Variants in DHX35 observed in about 807,000 individuals in gnomAD.
DHX35 encodes DEAH-box helicase 35, also known as probable ATP-dependent RNA helicase DHX35.
In DHX35, 84 loss-of-function variants were observed where a neutral mutation model predicts 99.6. The ratio of observed to expected loss-of-function variants is 0.84; its 90% CI spans 0.71 to 1.01. The LOEUF is 1.01. Among genes scored for constraint, DHX35 ranks in the 50% least tolerant of loss-of-function variants. The pLI is 0.00. For missense variants in DHX35, 852 were observed against 888.5 expected, an observed-to-expected ratio of 0.96 and a Z score of 0.52; for synonymous variants, 331 against 316.2, an observed-to-expected ratio of 1.05 and a Z score of -0.50.
intron 6 of DHX35, among the ~76,000 whole-genome samples, chr20:38,992,109 G>A (rs890341954): frequency 2.6e-5 from 4 of 152,182 alleles, no homozygotes; most frequent in African/African-American, 9.7e-5. Flanking sequence ...AAATTCTGTT[G>A]GAATTCAGTG....
Position 39,018,063 on chromosome 20 carries a change from G to T in DHX35, c.1403-741G>T, listed in dbSNP as rs182594657. 7.9e-4 allele frequency among the ~76,000 whole-genome samples: 121 copies of T among 152,308 alleles called. 1 individual carries two copies. The highest frequency in any genetic ancestry group is 2.8e-3 in the African/African-American group (115 of 41,572). ...CCCATTTACAAAGCTATCAGATCTT[G>T]TGAGACTTATTATCACGATAACAGT... On this transcript the variant is annotated intron_variant, in intron 14 of 21. Transcript: ENST00000252011.
intron 21 of DHX35, among the ~76,000 whole-genome samples, chr20:39,036,726 C>CCAAAAAAAAAAAAA (rs1568767834): frequency 8.1e-4 from 42 of 51,698 alleles, no homozygotes; most frequent in African/African-American, 3.2e-3. Context: ...ACTGTCCCCC[C>CCAAAAAAAAAAAAA]AAAAAAAAAA....
At chr20:39,031,626 T>G (rs1568763397) in intron 20 of DHX35, among the ~76,000 whole-genome samples, 2 of 152,274 alleles carry the variant, frequency 1.3e-5, no homozygotes, top group Admixed American at 6.5e-5. Flanking sequence ...CATGAGCCAC[T>G]GTACCCGGCC....
chr20:38,989,411 C>T (rs2086303697), intron 5 of DHX35, among the ~76,000 whole-genome samples: 1 of 151,854 alleles, frequency 6.6e-6, no homozygotes, highest in African/African-American at 2.4e-5. Flanking sequence ...CTGTGCCCGG[C>T]CGACACAGGG....
intron 2 of DHX35, among the ~76,000 whole-genome samples, chr20:38,969,558 G>A (rs1460557773): frequency 6.6e-6 from 1 of 152,112 alleles, no homozygotes; most frequent in Non-Finnish European, 1.5e-5. Flanking sequence ...CCAACATATG[G>A]CCAATTTTTG....
intron 3 of DHX35, chr20:38,977,938 G>A: frequency 3.3e-6 from 2 of 604,334 alleles, no homozygotes; most frequent in South Asian, 2.9e-5. Context: ...ATCATCATTA[G>A]CAGCAGCAGC....
At chr20:38,977,690 G>T (rs1234941346) in intron 3 of DHX35, 1 of 370,938 alleles carries the variant, frequency 2.7e-6, no homozygotes, top group Non-Finnish European at 5.1e-6. Flanking sequence ...ATTATAAAAA[G>T]AACAGCCAGA....
chr20:38,978,182 T>G (rs1430918973), intron 3 of DHX35: 1 of 1,030,150 alleles, frequency 9.7e-7, no homozygotes, highest in East Asian at 2.4e-5. Flanking sequence ...TGTACAGACA[T>G]TTTCAAAGTT....
intron 1 of DHX35, among the ~76,000 whole-genome samples, chr20:38,966,127 A>G (rs548359520): frequency 6.6e-6 from 1 of 152,372 alleles, no homozygotes; most frequent in East Asian, 1.9e-4. Flanking sequence ...TTAAAAACCA[A>G]GTTAAAGGGA....
intron 21 of DHX35, 132 bp from the exon 22 acceptor site, chr20:39,038,367 A>G (rs1348494202): frequency 4.9e-6 from 5 of 1,029,516 alleles, no homozygotes; most frequent in Non-Finnish European, 7.1e-6. Context: ...TGTTTCATGA[A>G]CAGCTCAGCA....
chr20:39,009,655 C>T (rs536348446), intron 12 of DHX35, among the ~76,000 whole-genome samples: 1 of 152,232 alleles, frequency 6.6e-6, no homozygotes, highest in African/African-American at 2.4e-5. Flanking sequence ...TCCAAAGTCT[C>T]TTCTCCTTCC....
At chr20:39,007,411 C>T (rs978197903) in intron 12 of DHX35, among the ~76,000 whole-genome samples, 19 of 152,152 alleles carry the variant, frequency 1.2e-4, no homozygotes, top group South Asian at 6.2e-4. Flanking sequence ...CATAAAGAAT[C>T]GGGAGCCTTG....
At chr20:38,975,800 T>C (rs1441738948) in intron 3 of DHX35, among the ~76,000 whole-genome samples, 2 of 152,238 alleles carry the variant, frequency 1.3e-5, no homozygotes, top group African/African-American at 4.8e-5. Context: ...GTTGATCTTG[T>C]GGTAGATGGC....
chr20:39,033,476 A>AG (rs1233631772), intron 20 of DHX35, among the ~76,000 whole-genome samples: 1 of 151,936 alleles, frequency 6.6e-6, no homozygotes, highest in Non-Finnish European at 1.5e-5. Context: ...GCCTCTTTGC[A>AG]GGGGGGGCCC....
At chr20:38,989,305 G>T (rs2086301222) in intron 5 of DHX35, among the ~76,000 whole-genome samples, 2 of 143,460 alleles carry the variant, frequency 1.4e-5, no homozygotes, top group Admixed American at 1.4e-4. Flanking sequence ...TAGTAGAGAC[G>T]GGGTTTCACT....
chr20:39,017,686 A>G (rs2145924654), intron 14 of DHX35, among the ~76,000 whole-genome samples: 1 of 152,312 alleles, frequency 6.6e-6, no homozygotes, highest in South Asian at 2.1e-4. Flanking sequence ...TATCTTGGGA[A>G]TCCAATACCT....
intron 10 of DHX35, among the ~76,000 whole-genome samples, chr20:39,003,537 TA>T (rs2086558713): frequency 6.6e-6 from 1 of 152,238 alleles, no homozygotes; most frequent in Non-Finnish European, 1.5e-5. Flanking sequence ...TTTTAGTAAC[TA>T]ATAGTGTAGT....
In DHX35 at chr20:39,006,266, G is replaced by T; in HGVS notation, c.1132G>T (p.Val378Leu). 6.2e-7 allele frequency: 1 copy of T among 1,614,180 alleles called. No individual in the cohort carries two copies. Among genetic ancestry groups the T allele is most frequent in the Non-Finnish European group, 8.5e-7 (1 of 1,180,040 alleles). ...YNPRTAIECL[V>L]VVPVSQASAN... ...TCCCAGGACAGCTATTGAATGCTTG[G>T]TGGTGGTGCCAGTCTCCCAGGCATC... The change falls in exon 12 of 22, where the codon GTG becomes TTG. Residue 378 changes from valine to leucine, a missense_variant. Coordinates refer to ENST00000252011, the MANE Select transcript of DHX35 (RefSeq NM_021931.4).
intron 13 of DHX35, among the ~76,000 whole-genome samples, chr20:39,012,451 A>T (rs1012539054): frequency 1.3e-5 from 2 of 152,226 alleles, no homozygotes; most frequent in Non-Finnish European, 2.9e-5. Flanking sequence ...TTCAAATTTC[A>T]ACTATCATTA....
Sources: gnomAD v4.1 joint callset for allele counts (sites outside exome capture counted in the v4.1 genomes callset) on GRCh38, gnomAD v4.1.1 for gene constraint, MANE v1.5 for transcripts, NCBI Gene and HGNC (gene_info 2026-07-23, HGNC 2026-07-21) for gene names.